The following TCF7L1 variants were observed in gnomAD, a reference collection of about 807,000 sequenced individuals.
The protein encoded by TCF7L1 is transcription factor 7 like 1.
TCF7L1 carries 18 observed loss-of-function variants against 63.7 expected under a neutral mutation model. That is an observed-to-expected ratio of 0.28 (90% confidence interval 0.20 to 0.42). The LOEUF (loss-of-function observed/expected upper bound fraction) is 0.42, where lower values mean the gene tolerates loss of function less well. Among genes scored for constraint, TCF7L1 ranks in the 10% least tolerant of loss-of-function variants. TCF7L1 has a pLI of 1.00. For synonymous variants in TCF7L1, 355 were observed against 340.9 expected, an observed-to-expected ratio of 1.04 and a Z score of -0.46; for missense variants, 654 against 779.3, an observed-to-expected ratio of 0.84 and a Z score of 1.91.
chr2:85,261,972 A>G (rs965912335), intron 3 of TCF7L1, among the ~76,000 whole-genome samples: 15 of 152,246 alleles, frequency 9.9e-5, no homozygotes, highest in Non-Finnish European at 2.2e-4. Flanking sequence ...AAATGTTCAT[A>G]TTGGACAAAG....
At chr2:85,215,770 G>C (rs926310589) in intron 3 of TCF7L1, among the ~76,000 whole-genome samples, 5 of 140,206 alleles carry the variant, frequency 3.6e-5, no homozygotes, top group East Asian at 4.9e-4. Flanking sequence ...GTGGGGGTGG[G>C]GGGGGGTGAG....
intron 3 of TCF7L1, among the ~76,000 whole-genome samples, chr2:85,213,041 G>A (rs530759809): frequency 1.7e-4 from 26 of 152,104 alleles, no homozygotes; most frequent in Middle Eastern, 3.4e-3. Context: ...GGGGTGGGGT[G>A]AGAAGGGGTT....
chr2:85,134,235 G>T lies in TCF7L1; in HGVS notation c.314-88G>T, dbSNP rs866710170. On this transcript the variant is annotated intron_variant, in intron 2 of 11. Transcript: ENST00000282111. The surrounding 1 kb of genome is among the most constrained non-coding windows in gnomAD (Gnocchi z 5.0). ...CGTGGGGCGCGCGTGGGGGGCGCTG[G>T]GGTCCCCAGCTCCCGCCTCGAGCCC... is the stretch of plus-strand genomic sequence containing the variant. 1 of 1,478,866 alleles carries T rather than the reference G, an allele frequency of 6.8e-7. No homozygotes were observed. The highest frequency in any genetic ancestry group is 9.0e-7 in the Non-Finnish European group (1 of 1,113,816). 91.6% of individuals were successfully genotyped at this position (1,478,866 alleles called of 1,614,324 possible).
chr2:85,133,864 G>C lies in TCF7L1; in HGVS notation c.180G>C (p.Arg60=). The change falls in exon 1 of 12, where the codon CGG becomes CGC. Residue 60 remains arginine, a synonymous_variant. Coordinates refer to ENST00000282111, the MANE Select transcript of TCF7L1 (RefSeq NM_031283.3). This position sits in a 1 kb window ranked among gnomAD's most constrained non-coding sequence, Gnocchi z 4.4. The stretch of plus-strand genomic sequence containing the variant: ...GCAGCGATAGCGCCTCGGCGCAGCG[G>C]GACCTAGACGAGGTCAAGTCGTCCC... ...EPSSDSASAQ[R]DLDEVKSSLV... 1 of 1,513,842 alleles carries C rather than the reference G, an allele frequency of 6.6e-7. No individual in the cohort carries two copies. Among genetic ancestry groups the C allele is most frequent in the Non-Finnish European group, 8.8e-7 (1 of 1,131,030 alleles). The allele number at this position is 1,513,842 out of a possible 1,614,324, so 93.8% of individuals were successfully genotyped here.
chr2:85,155,297 G>A (rs201417305), intron 3 of TCF7L1, among the ~76,000 whole-genome samples: 139 of 152,306 alleles, frequency 9.1e-4, no homozygotes, highest in Non-Finnish European at 1.6e-3. Context: ...GGACATGGGC[G>A]GGGACAAATA....
In TCF7L1 at chr2:85,164,163, C is replaced by T. The variant is rs112013331; in HGVS notation, c.441+29713C>T. Among the ~76,000 whole-genome samples the T allele has an allele frequency of 9.5e-3, 1,445 of 152,202 alleles. 23 individuals carry two copies. The highest frequency in any genetic ancestry group is 0.015 in the Non-Finnish European group (1,006 of 68,012). ...CTCACCCTCAAATTGCTCAAAACAC[C>T]GGAGCCCAGGGCTGGTTGCCTGTCA... On this transcript the variant is annotated intron_variant, in intron 3 of 11. Transcript: ENST00000282111.
At chr2:85,188,382 C>T (rs768603287) in intron 3 of TCF7L1, among the ~76,000 whole-genome samples, 21 of 152,194 alleles carry the variant, frequency 1.4e-4, no homozygotes, top group East Asian at 1.3e-3. Context: ...ACGTTAACAT[C>T]GGGGGAGGCT....
chr2:85,250,817 G>T (rs1486056085), intron 3 of TCF7L1, among the ~76,000 whole-genome samples: 2 of 152,104 alleles, frequency 1.3e-5, no homozygotes, highest in African/African-American at 4.8e-5. Context: ...CTCCCAAGTT[G>T]TGCCGTCCCC....
At chr2:85,206,004 T>G (rs930807457) in intron 3 of TCF7L1, among the ~76,000 whole-genome samples, 3 of 152,258 alleles carry the variant, frequency 2.0e-5, no homozygotes, top group Non-Finnish European at 4.4e-5. Flanking sequence ...AAGAACAGAT[T>G]GGCAGTCCAT....
chr2:85,257,667 C>T (rs1045698047), intron 3 of TCF7L1, among the ~76,000 whole-genome samples: 2 of 152,204 alleles, frequency 1.3e-5, no homozygotes, highest in African/African-American at 4.8e-5. Flanking sequence ...CCTGCCTGAC[C>T]CTGACTGGCT....
At chr2:85,185,368 CT>C (rs1323991899) in intron 3 of TCF7L1, among the ~76,000 whole-genome samples, 2 of 152,084 alleles carry the variant, frequency 1.3e-5, no homozygotes, top group African/African-American at 4.8e-5. Flanking sequence ...AGCGATCCCC[CT>C]GCCTCAGCCA....
At chr2:85,206,096 G>A (rs148506338) in intron 3 of TCF7L1, among the ~76,000 whole-genome samples, 46 of 152,348 alleles carry the variant, frequency 3.0e-4, no homozygotes, top group African/African-American at 1.1e-3. Flanking sequence ...ACTCCCTCTT[G>A]TTGGGCTCCT....
At position 85,242,265 on chromosome 2, in the gene TCF7L1, G is replaced by T. The variant is rs141971072; in HGVS notation, c.442-41230G>T. On this transcript the variant is annotated intron_variant, in intron 3 of 11. Coordinates refer to ENST00000282111, the MANE Select transcript of TCF7L1 (RefSeq NM_031283.3). ...TCCCTGGGTCACTTGGCTGCCTCTG[G>T]GCTGCCAACATAGAACCCACGTCAC... 9.2e-5 allele frequency among the ~76,000 whole-genome samples: 14 copies of T among 152,250 alleles called. 1 individual carries two copies. In the East Asian group the frequency reaches 2.3e-3, roughly 25 times the overall value.
chr2:85,255,737 T>A (rs1200211725), intron 3 of TCF7L1, among the ~76,000 whole-genome samples: 1 of 152,158 alleles, frequency 6.6e-6, no homozygotes, highest in African/African-American at 2.4e-5. Flanking sequence ...TGTCTTCTGG[T>A]TGCTGTAGGC....
At chr2:85,197,696 G>A (rs1679189325) in intron 3 of TCF7L1, among the ~76,000 whole-genome samples, 1 of 152,202 alleles carries the variant, frequency 6.6e-6, no homozygotes, top group Non-Finnish European at 1.5e-5. Context: ...CTTTTAGGAT[G>A]CAGCAAAACA....
At chr2:85,209,881 G>A (rs888633667) in intron 3 of TCF7L1, among the ~76,000 whole-genome samples, 2 of 152,142 alleles carry the variant, frequency 1.3e-5, no homozygotes, top group African/African-American at 4.8e-5. Flanking sequence ...ATCTGGGGTG[G>A]TTCCAGACAG....
intron 3 of TCF7L1, among the ~76,000 whole-genome samples, chr2:85,152,476 C>T (rs113537459): frequency 0.069 from 10,118 of 146,882 alleles, 536 homozygotes; most frequent in African/African-American, 0.14. Context: ...ACTCTGTCAC[C>T]GAGGCTGGAG....
rs1053840122 is a variant in TCF7L1 at position 85,309,041 on chromosome 2, C to T, written c.1346C>T (p.Ser449Phe). 4 of 1,594,768 alleles carry T rather than the reference C, an allele frequency of 2.5e-6. No individual in the cohort carries two copies. The highest frequency in any genetic ancestry group is 3.4e-6 in the Non-Finnish European group (4 of 1,169,162). Residue 449 changes from serine (S) to phenylalanine (F), a missense_variant, in exon 12 of 12, where the codon TCC (serine) becomes TTC (phenylalanine). Around this residue, in one of 3 missense-constraint regions of TCF7L1, gnomAD observed 184 missense variants for 204.0 expected, o/e 0.90. Coordinates refer to ENST00000282111, the MANE Select transcript of TCF7L1 (RefSeq NM_031283.3). ...ATTTTCCCCCTAGGTGCCCTGGCCT[C>T]CAAGAGCAAGAAGCCATGTGTTCAG... Reference protein sequence around the residue: ...QVQEAEGALASKSKKPCVQYL... With the variant: ...QVQEAEGALAFKSKKPCVQYL...
At chr2:85,190,798 C>T (rs563516756) in intron 3 of TCF7L1, among the ~76,000 whole-genome samples, 1 of 152,302 alleles carries the variant, frequency 6.6e-6, no homozygotes, top group South Asian at 2.1e-4. Flanking sequence ...TTGTTATATA[C>T]ACCCACGTAT....
Sources: gnomAD v4.1 joint callset for allele counts (sites outside exome capture counted in the v4.1 genomes callset) on GRCh38, gnomAD v4.1.1 for gene constraint, gnomAD v4.1.1 regional missense constraint, Gnocchi (gnomAD v3.1) non-coding constraint, MANE v1.5 for transcripts, NCBI Gene and HGNC (gene_info 2026-07-23, HGNC 2026-07-21) for gene names.